The following ZC2HC1A variants were observed in gnomAD, a reference collection of about 807,000 sequenced individuals.
ZC2HC1A encodes the protein zinc finger C2HC-type containing 1A, also known as zinc finger C2HC domain-containing protein 1A.
In ZC2HC1A, 28 loss-of-function variants were observed where a neutral mutation model predicts 40.7. The observed-to-expected ratio is 0.69, with a 90% confidence interval of 0.51 to 0.94. The LOEUF (loss-of-function observed/expected upper bound fraction) is 0.94, where lower values mean the gene tolerates loss of function less well. Among genes scored for constraint, ZC2HC1A ranks in the 40% least tolerant of loss-of-function variants. The pLI is 0.00. For synonymous variants in ZC2HC1A, 129 were observed against 129.2 expected (o/e 1.00, Z 0.01); for missense variants, 389 against 386.3 (o/e 1.01, Z -0.06).
chr8:78,675,972 A>G, intron 2 of ZC2HC1A, 109 bp downstream of exon 2: 8 of 881,114 alleles, frequency 9.1e-6, no homozygotes, highest in Non-Finnish European at 7.2e-6. Context: ...TTGAAGAGTT[A>G]ATGGGTACTA....
chr8:78,699,129 C>T lies in ZC2HC1A; in HGVS notation c.704+616C>T, dbSNP rs575477888. On this transcript the variant is annotated intron_variant, in intron 7 of 8. Transcript: ENST00000263849. ...GTATATAAATTTTAATAAGGTGATT[C>T]TGTTAGGAAAATGTTAGCTACTGAA... Among the ~76,000 whole-genome samples the T allele has an allele frequency of 9.4e-4, 4 of 4,240 alleles. No homozygotes were observed. In the African/African-American group the frequency reaches 0.011, roughly 12 times the overall value. 2.8% of individuals were successfully genotyped at this position (4,240 alleles called of 152,430 possible). A position where few individuals can be genotyped will look rare whatever the true frequency, so the allele number is the denominator to read the frequency against.
chr8:78,668,164 C>G (rs1809353832), intron 1 of ZC2HC1A, among the ~76,000 whole-genome samples: 1 of 151,982 alleles, frequency 6.6e-6, no homozygotes, highest in Non-Finnish European at 1.5e-5. Flanking sequence ...TCCTCCTTCT[C>G]CCCTCTCCCT....
intron 7 of ZC2HC1A, among the ~76,000 whole-genome samples, chr8:78,710,239 A>G (rs1810910422): frequency 6.6e-6 from 1 of 152,186 alleles, no homozygotes; most frequent in African/African-American, 2.4e-5. Context: ...TAGCCTAAAA[A>G]TAGCATTCAT....
chr8:78,672,368 A>AT (rs1225147740), intron 1 of ZC2HC1A, among the ~76,000 whole-genome samples: 2 of 152,310 alleles, frequency 1.3e-5, no homozygotes, highest in East Asian at 3.8e-4. Context: ...TAATCTTAAT[A>AT]TAAGTATCAT....
intron 7 of ZC2HC1A, among the ~76,000 whole-genome samples, chr8:78,712,694 G>A (rs1393873885): frequency 6.6e-6 from 1 of 152,134 alleles, no homozygotes; most frequent in Non-Finnish European, 1.5e-5. Flanking sequence ...GCTGAAAAGA[G>A]TGTGTGGCAA....
At chr8:78,691,703 T>A (rs904057757) in intron 5 of ZC2HC1A, among the ~76,000 whole-genome samples, 1 of 152,154 alleles carries the variant, frequency 6.6e-6, no homozygotes, top group African/African-American at 2.4e-5. Context: ...TTTCTAGCTG[T>A]AATTCTTTGC....
intron 7 of ZC2HC1A, among the ~76,000 whole-genome samples, chr8:78,703,970 C>T (rs1022110007): frequency 4.6e-5 from 7 of 152,180 alleles, no homozygotes; most frequent in African/African-American, 9.7e-5. Flanking sequence ...TCTTGTAAGG[C>T]AGGTCTGGTG....
chr8:78,686,241 T>A (rs1004703413), intron 3 of ZC2HC1A, among the ~76,000 whole-genome samples: 2 of 152,190 alleles, frequency 1.3e-5, no homozygotes, highest in African/African-American at 4.8e-5. Flanking sequence ...GAAGGCAGTT[T>A]AGTAGTGTCT....
At chr8:78,689,622 C>T (rs1372817791) in intron 5 of ZC2HC1A, among the ~76,000 whole-genome samples, 2 of 151,656 alleles carry the variant, frequency 1.3e-5, no homozygotes, top group Non-Finnish European at 2.9e-5. Context: ...TGTCTTAGCA[C>T]GTTTTGTATA....
chr8:78,670,067 A>C (rs1050059525), intron 1 of ZC2HC1A, among the ~76,000 whole-genome samples: 1 of 150,160 alleles, frequency 6.7e-6, no homozygotes, highest in Non-Finnish European at 1.5e-5. Context: ...TTCTGGGTTC[A>C]AGCGATTCTC....
chr8:78,712,137 T>C, intron 7 of ZC2HC1A: 1 of 1,215,420 alleles, frequency 8.2e-7, no homozygotes, highest in Non-Finnish European at 1.1e-6. Context: ...TTGGTTAATA[T>C]TTTTCAGATA....
intron 3 of ZC2HC1A, among the ~76,000 whole-genome samples, chr8:78,682,892 G>A (rs1809834093): frequency 6.6e-6 from 1 of 152,116 alleles, no homozygotes; most frequent in African/African-American, 2.4e-5. Flanking sequence ...TTCTAAATTG[G>A]AGAAATGGGC....
At chr8:78,691,589 C>G (rs6980663) in intron 5 of ZC2HC1A, among the ~76,000 whole-genome samples, 104,220 of 151,936 alleles carry the variant, frequency 0.69, 36,574 homozygotes, top group East Asian at 0.91. Context: ...TATTGATTTG[C>G]TTATGTTTAG....
chr8:78,689,160 A>AT, intron 4 of ZC2HC1A, 62 bp from the exon 5 acceptor site: 1 of 1,266,992 alleles, frequency 7.9e-7, no homozygotes, highest in Non-Finnish European at 1.0e-6. Context: ...GAAACTTAAG[A>AT]TTTTTTAATG....
chr8:78,712,398 A>T (rs1810978968), intron 7 of ZC2HC1A, among the ~76,000 whole-genome samples: 1 of 152,026 alleles, frequency 6.6e-6, no homozygotes. Flanking sequence ...AGTTTTTTTT[A>T]GTAGTAATTA....
intron 5 of ZC2HC1A, among the ~76,000 whole-genome samples, chr8:78,693,258 G>T (rs1331061845): frequency 1.3e-5 from 2 of 151,992 alleles, no homozygotes; most frequent in Admixed American, 6.6e-5. Flanking sequence ...GTAATGGGAT[G>T]GCTGGGTCAA....
At chr8:78,710,427 C>T (rs1192151044) in intron 7 of ZC2HC1A, among the ~76,000 whole-genome samples, 1 of 151,930 alleles carries the variant, frequency 6.6e-6, no homozygotes, top group Non-Finnish European at 1.5e-5. Context: ...GTAATGTTTC[C>T]ATTGGATAAT....
chr8:78,715,353 TA>T, intron 8 of ZC2HC1A, 25 bp downstream of exon 8: 1 of 1,571,672 alleles, frequency 6.4e-7, no homozygotes, highest in Non-Finnish European at 8.6e-7. Flanking sequence ...GCTCTCCCAA[TA>T]ACTAAAATAA....
intron 5 of ZC2HC1A, among the ~76,000 whole-genome samples, chr8:78,693,199 T>C (rs1326492295): frequency 2.6e-5 from 4 of 152,158 alleles, no homozygotes; most frequent in South Asian, 2.1e-4. Flanking sequence ...CATACGTGTT[T>C]ATGTGTCTTT....
Sources: gnomAD v4.1 joint callset for allele counts (sites outside exome capture counted in the v4.1 genomes callset) on GRCh38, gnomAD v4.1.1 for gene constraint, MANE v1.5 for transcripts, NCBI Gene and HGNC (gene_info 2026-07-23, HGNC 2026-07-21) for gene names.